GPC6: variants seen among roughly 807,000 people sequenced by gnomAD.
GPC6 encodes the protein glypican-6.
GPC6 carries 14 observed loss-of-function variants against 55.2 expected under a neutral mutation model. That is an observed-to-expected ratio of 0.25 (90% CI 0.17 to 0.40). The LOEUF (loss-of-function observed/expected upper bound fraction) is 0.40. Ranked by LOEUF, GPC6 falls within the 10% of genes least tolerant of loss-of-function variation. GPC6 has a pLI of 1.00. For synonymous variants in GPC6, 278 were observed against 259.6 expected, an observed-to-expected ratio of 1.07 and a Z score of -0.68; for missense variants, 641 against 708.5, an observed-to-expected ratio of 0.90 and a Z score of 1.08.
At chr13:93,646,582 A>G (rs1880182896) in intron 2 of GPC6, among the ~76,000 whole-genome samples, 1 of 152,124 alleles carries the variant, frequency 6.6e-6, no homozygotes, top group South Asian at 2.1e-4. Context: ...AATTTTACTT[A>G]TTGGGCTATC....
chr13:94,058,638 C>CA (rs1191871582), intron 4 of GPC6, among the ~76,000 whole-genome samples: 1 of 152,166 alleles, frequency 6.6e-6, no homozygotes, highest in African/African-American at 2.4e-5. Flanking sequence ...AAGCCTGGGG[C>CA]AGTTCCTCTC....
chr13:93,889,537 T>G (rs1875541879), intron 3 of GPC6, among the ~76,000 whole-genome samples: 1 of 152,154 alleles, frequency 6.6e-6, no homozygotes, highest in Admixed American at 6.6e-5. Flanking sequence ...AATAGAATTT[T>G]AATATGGGTT....
intron 2 of GPC6, among the ~76,000 whole-genome samples, chr13:93,777,931 G>A (rs1885520541): frequency 6.6e-6 from 1 of 152,244 alleles, no homozygotes; most frequent in East Asian, 1.9e-4. Context: ...AAGTTATCAA[G>A]TCCACCGGAC....
Position 93,654,880 on chromosome 13 carries a change from AGGCTGGAGTGCAGT to A in GPC6, c.319+109463_319+109476del, listed in dbSNP as rs1469422810. ...GAGATGGAGTCTCGCTTTGTGGCCC[AGGCTGGAGTGCAGT>A]GGCGCGATCTAGGCTCACTGCAAGC... On this transcript the variant is annotated intron_variant, in intron 2 of 8. Transcript: ENST00000377047. Among the ~76,000 whole-genome samples, 6 of 147,084 alleles carry A rather than the reference AGGCTGGAGTGCAGT, an allele frequency of 4.1e-5. No homozygotes were observed. In the East Asian group the frequency reaches 1.2e-3, roughly 30 times the overall value.
chr13:94,246,517 T>C (rs1891199771), intron 4 of GPC6, among the ~76,000 whole-genome samples: 1 of 152,082 alleles, frequency 6.6e-6, no homozygotes, highest in African/African-American at 2.4e-5. Flanking sequence ...CTTTTATTAA[T>C]TCCAAGTTGA....
At chr13:93,663,187 TTATTA>T (rs1296541447) in intron 2 of GPC6, among the ~76,000 whole-genome samples, 1 of 152,034 alleles carries the variant, frequency 6.6e-6, no homozygotes, top group Non-Finnish European at 1.5e-5. Flanking sequence ...CTCCTATGAC[TTATTA>T]TAATTTTTTT....
chr13:94,389,091 G>A (rs1478772944), intron 7 of GPC6, among the ~76,000 whole-genome samples: 3 of 152,152 alleles, frequency 2.0e-5, no homozygotes, highest in African/African-American at 7.2e-5. Context: ...CAACTTCTCA[G>A]GGGTAAATGT....
intron 1 of GPC6, among the ~76,000 whole-genome samples, chr13:93,239,086 G>A (rs1333020873): frequency 1.3e-5 from 2 of 151,818 alleles, no homozygotes; most frequent in Non-Finnish European, 2.9e-5. Context: ...TGGGTATCAG[G>A]GTGATACTGG....
At chr13:93,474,628 T>C (rs1158814291) in intron 1 of GPC6, among the ~76,000 whole-genome samples, 1 of 152,100 alleles carries the variant, frequency 6.6e-6, no homozygotes, top group Non-Finnish European at 1.5e-5. Flanking sequence ...GGGAAAAAAT[T>C]CCAAACTCAT....
At chr13:93,310,654 A>G (rs1048483146) in intron 1 of GPC6, among the ~76,000 whole-genome samples, 1 of 152,204 alleles carries the variant, frequency 6.6e-6, no homozygotes, top group African/African-American at 2.4e-5. Flanking sequence ...TCTACTATAT[A>G]TTAAAAATTA....
chr13:94,381,061 A>G (rs1352231384), intron 6 of GPC6, among the ~76,000 whole-genome samples: 1 of 152,074 alleles, frequency 6.6e-6, no homozygotes, highest in Non-Finnish European at 1.5e-5. Flanking sequence ...CAAGTGACCA[A>G]TTTGTCCCCT....
At chr13:93,256,030 C>T (rs917801200) in intron 1 of GPC6, among the ~76,000 whole-genome samples, 4 of 151,682 alleles carry the variant, frequency 2.6e-5, no homozygotes, top group African/African-American at 9.7e-5. Flanking sequence ...ATTGCAATTG[C>T]TAGGGAGGCT....
chr13:94,133,049 A>T (rs951202634), intron 4 of GPC6, among the ~76,000 whole-genome samples: 1 of 152,132 alleles, frequency 6.6e-6, no homozygotes, highest in Non-Finnish European at 1.5e-5. Context: ...AGCTTCTGAA[A>T]TATTATTCCT....
At chr13:93,848,795 C>G (rs1288427988) in intron 3 of GPC6, among the ~76,000 whole-genome samples, 1 of 151,968 alleles carries the variant, frequency 6.6e-6, no homozygotes, top group Non-Finnish European at 1.5e-5. Flanking sequence ...TGCCCACTGC[C>G]CCCCGCAACC....
chr13:94,148,044 G>C (rs1238097757), intron 4 of GPC6, among the ~76,000 whole-genome samples: 10 of 152,100 alleles, frequency 6.6e-5, no homozygotes, highest in African/African-American at 2.4e-4. Flanking sequence ...AATAATTAAT[G>C]GTGTGTGTAT....
chr13:94,112,440 T>G (rs903544264), intron 4 of GPC6, among the ~76,000 whole-genome samples: 1 of 152,168 alleles, frequency 6.6e-6, no homozygotes, highest in Admixed American at 6.5e-5. Flanking sequence ...GCACACACAC[T>G]CATTAACCAG....
At chr13:94,022,199 A>G (rs1285322235) in intron 3 of GPC6, among the ~76,000 whole-genome samples, 1 of 152,018 alleles carries the variant, frequency 6.6e-6, no homozygotes, top group Non-Finnish European at 1.5e-5. Context: ...TTCATTCTAC[A>G]TAATTGCTAC....
At chr13:94,158,213 C>A (rs999576672) in intron 4 of GPC6, among the ~76,000 whole-genome samples, 1 of 151,952 alleles carries the variant, frequency 6.6e-6, no homozygotes, top group Non-Finnish European at 1.5e-5. Context: ...TTATCAAGAG[C>A]CTTTTCAGTG....
intron 2 of GPC6, among the ~76,000 whole-genome samples, chr13:93,633,092 G>A (rs1879529664): frequency 6.6e-6 from 1 of 152,032 alleles, no homozygotes; most frequent in South Asian, 2.1e-4. Flanking sequence ...CTTTTCTTAT[G>A]CATTTGTTGA....
Sources: gnomAD v4.1 joint callset for allele counts (sites outside exome capture counted in the v4.1 genomes callset) on GRCh38, gnomAD v4.1.1 for gene constraint, MANE v1.5 for transcripts, NCBI Gene and HGNC (gene_info 2026-07-23, HGNC 2026-07-21) for gene names.